The following HCN1 variants were observed in gnomAD, a reference collection of about 807,000 sequenced individuals.
HCN1 encodes hyperpolarization activated cyclic nucleotide gated potassium channel 1, also known as potassium/sodium hyperpolarization-activated cyclic nucleotide-gated channel 1.
Under a neutral mutation model 78.9 loss-of-function variants are expected in HCN1, and 13 were observed. The observed-to-expected ratio is 0.16, with a 90% CI of 0.11 to 0.26. HCN1 has a LOEUF of 0.26. Among genes scored for constraint, HCN1 ranks in the 10% least tolerant of loss-of-function variants. The pLI, the probability that HCN1 is intolerant of heterozygous loss-of-function variation, is 1.00. For synonymous variants in HCN1, 552 were observed against 455.5 expected (o/e 1.21, Z -2.70); for missense variants, 810 against 1,154.3 (o/e 0.70, Z 4.32).
At chr5:45,368,479 T>A (rs1440277103) in intron 4 of HCN1, among the ~76,000 whole-genome samples, 1 of 152,036 alleles carries the variant, frequency 6.6e-6, no homozygotes, top group African/African-American at 2.4e-5. Context: ...AGTGCACTAT[T>A]TCTCTTCTAT....
chr5:45,634,397 T>G (rs1372790012), intron 2 of HCN1, among the ~76,000 whole-genome samples: 2 of 152,002 alleles, frequency 1.3e-5, no homozygotes, highest in Non-Finnish European at 2.9e-5. Context: ...AGTGAAATTT[T>G]AGTTATTAAT....
chr5:45,665,459 TA>T (rs1023785458), intron 1 of HCN1, among the ~76,000 whole-genome samples: 1 of 151,548 alleles, frequency 6.6e-6, no homozygotes, highest in African/African-American at 2.4e-5. Context: ...AATAATAAAA[TA>T]AAAAAAAGAT....
chr5:45,466,254 T>C (rs760949798), intron 2 of HCN1, among the ~76,000 whole-genome samples: 4 of 152,204 alleles, frequency 2.6e-5, no homozygotes, highest in East Asian at 1.9e-4. Context: ...ATAGCTTGTA[T>C]ATAAAACGAA....
intron 4 of HCN1, among the ~76,000 whole-genome samples, chr5:45,391,097 T>C (rs149697622): frequency 1.7e-3 from 254 of 152,094 alleles, no homozygotes; most frequent in African/African-American, 5.8e-3. Flanking sequence ...AATTTTTGAC[T>C]AAGGTACTAT....
chr5:45,577,613 C>T (rs1743974027), intron 2 of HCN1, among the ~76,000 whole-genome samples: 1 of 151,796 alleles, frequency 6.6e-6, no homozygotes, highest in Non-Finnish European at 1.5e-5. Flanking sequence ...AATAATAATC[C>T]ATTGCAGGAT....
intron 2 of HCN1, among the ~76,000 whole-genome samples, chr5:45,605,495 A>T (rs909161606): frequency 2.6e-5 from 4 of 151,966 alleles, no homozygotes; most frequent in Admixed American, 2.6e-4. Context: ...ATATTAAGGT[A>T]GTTCTCAGAC....
At chr5:45,516,641 A>T (rs1742521360) in intron 2 of HCN1, among the ~76,000 whole-genome samples, 1 of 151,864 alleles carries the variant, frequency 6.6e-6, no homozygotes, top group Non-Finnish European at 1.5e-5. Flanking sequence ...AACTTTGTCA[A>T]CTCCAGGATT....
intron 3 of HCN1, among the ~76,000 whole-genome samples, chr5:45,438,870 C>T (rs1345485077): frequency 3.3e-5 from 5 of 152,068 alleles, no homozygotes; most frequent in African/African-American, 1.2e-4. Flanking sequence ...TTAATTTGGT[C>T]TACAATAGTG....
chr5:45,352,139 A>G (rs919558905), intron 5 of HCN1, among the ~76,000 whole-genome samples: 6 of 152,222 alleles, frequency 3.9e-5, no homozygotes, highest in African/African-American at 1.4e-4. Flanking sequence ...ATGTCCAACA[A>G]GGATAGACTG....
At chr5:45,527,229 T>C (rs112113918) in intron 2 of HCN1, among the ~76,000 whole-genome samples, 17,680 of 137,020 alleles carry the variant, frequency 0.13, 4,191 homozygotes, top group Middle Eastern at 0.24. Flanking sequence ...AGAAAGAACA[T>C]GTTATATTAA....
chr5:45,417,751 C>CA (rs1212611466), intron 3 of HCN1, among the ~76,000 whole-genome samples: 2,890 of 14,802 alleles, frequency 0.2, 386 homozygotes, highest in Non-Finnish European at 0.23. Flanking sequence ...TGTAGAGAGA[C>CA]AAAAAAAAAA....
chr5:45,537,239 C>T (rs892998407), intron 2 of HCN1, among the ~76,000 whole-genome samples: 5 of 152,142 alleles, frequency 3.3e-5, no homozygotes, highest in African/African-American at 9.7e-5. Flanking sequence ...TCTGACTAAC[C>T]TCAACTGCCC....
chr5:45,461,463 G>C (rs1333649437), intron 3 of HCN1, among the ~76,000 whole-genome samples: 1 of 152,044 alleles, frequency 6.6e-6, no homozygotes, highest in Non-Finnish European at 1.5e-5. Context: ...CCCTAAAAGT[G>C]TATGTCTTGA....
At chr5:45,385,764 C>A (rs969668712) in intron 4 of HCN1, among the ~76,000 whole-genome samples, 3 of 152,100 alleles carry the variant, frequency 2.0e-5, no homozygotes, top group African/African-American at 7.2e-5. Flanking sequence ...GGTGAATTGG[C>A]AAATAAAATT....
rs1417958675 is a variant in HCN1, at chr5:45,630,996, A to T, written c.849+14189T>A. Among the ~76,000 whole-genome samples, 10 of 152,312 alleles carry T rather than the reference A, an allele frequency of 6.6e-5. No homozygotes were observed. In the East Asian group the frequency reaches 1.9e-3, roughly 29 times the overall value. Reference sequence around the variant, plus strand: ...CAGGAGCTATATTATAAAAACGTAGATCACATTTCCTCCACTATGACCTCA... The same window carrying T: ...CAGGAGCTATATTATAAAAACGTAGTTCACATTTCCTCCACTATGACCTCA... On this transcript the variant is annotated intron_variant, in intron 2 of 7. Transcript: ENST00000303230.
At chr5:45,374,106 T>A (rs1313193233) in intron 4 of HCN1, among the ~76,000 whole-genome samples, 1 of 99,660 alleles carries the variant, frequency 1.0e-5, no homozygotes, top group East Asian at 2.7e-4. Context: ...ATAATATATA[T>A]TATATACATA....
Position 45,635,430 on chromosome 5 carries a change from C to T in HCN1, c.849+9755G>A, listed in dbSNP as rs897991591. 2.0e-5 allele frequency among the ~76,000 whole-genome samples: 3 copies of T among 151,966 alleles called. No homozygotes were observed. The East Asian group carries it at 5.8e-4, about 29-fold the overall frequency. ...CTCAATGGGAAACCCTTTCTGATCC[C>T]ACTACTCCTGACTTAGATAGGATTG... On this transcript the variant is annotated intron_variant, in intron 2 of 7. Coordinates refer to ENST00000303230, the MANE Select transcript of HCN1 (RefSeq NM_021072.4).
chr5:45,659,199 C>T (rs1267244552), intron 1 of HCN1, among the ~76,000 whole-genome samples: 1 of 148,594 alleles, frequency 6.7e-6, no homozygotes, highest in Non-Finnish European at 1.5e-5. Flanking sequence ...GGCACACTGA[C>T]ACCTCACACG....
intron 2 of HCN1, among the ~76,000 whole-genome samples, chr5:45,506,241 T>A (rs932762568): frequency 4.3e-4 from 66 of 152,260 alleles, no homozygotes; most frequent in Admixed American, 2.7e-3. Flanking sequence ...ATTATGGTAT[T>A]GTCATGCTTC....
Sources: gnomAD v4.1 joint callset for allele counts (sites outside exome capture counted in the v4.1 genomes callset) on GRCh38, gnomAD v4.1.1 for gene constraint, MANE v1.5 for transcripts, NCBI Gene and HGNC (gene_info 2026-07-23, HGNC 2026-07-21) for gene names.